Variants in MSI2 observed in about 807,000 individuals in gnomAD.
MSI2 encodes RNA-binding protein Musashi homolog 2.
MSI2 carries 17 observed loss-of-function variants against 45.6 expected under a neutral mutation model. The observed-to-expected ratio is 0.37, with a 90% CI of 0.26 to 0.56. The LOEUF (loss-of-function observed/expected upper bound fraction) is 0.56, where lower values mean the gene tolerates loss of function less well. MSI2 is among the 20% of genes least tolerant of loss of function. The pLI is 0.77. For synonymous variants in MSI2, 156 were observed against 158.2 expected, an observed-to-expected ratio of 0.99 and a Z score of 0.11; for missense variants, 293 against 444.2, an observed-to-expected ratio of 0.66 and a Z score of 3.06.
chr17:57,494,648 A>T (rs937593313), intron 6 of MSI2, among the ~76,000 whole-genome samples: 3 of 152,086 alleles, frequency 2.0e-5, no homozygotes, highest in Non-Finnish European at 2.9e-5. Flanking sequence ...TCTGCTCTTT[A>T]ATTTAATCCT....
At chr17:57,439,856 G>C (rs985500475) in intron 6 of MSI2, among the ~76,000 whole-genome samples, 4 of 152,176 alleles carry the variant, frequency 2.6e-5, no homozygotes, top group Non-Finnish European at 5.9e-5. Context: ...TCTTGGGATA[G>C]TGTGTGAGGG....
intron 7 of MSI2, among the ~76,000 whole-genome samples, chr17:57,559,270 TTAATGC>T (rs1296334686): frequency 6.6e-6 from 1 of 152,026 alleles, no homozygotes; most frequent in Non-Finnish European, 1.5e-5. Flanking sequence ...ATTTGGAAAG[TTAATGC>T]TAAGGAAATA....
intron 7 of MSI2, among the ~76,000 whole-genome samples, chr17:57,537,197 T>C (rs1225763432): frequency 1.3e-5 from 2 of 152,194 alleles, no homozygotes; most frequent in East Asian, 3.9e-4. Context: ...TCTGCCAGAT[T>C]CTCAGAACCC....
chr17:57,550,281 G>A (rs921133986), intron 7 of MSI2, among the ~76,000 whole-genome samples: 5 of 152,198 alleles, frequency 3.3e-5, no homozygotes, highest in Non-Finnish European at 5.9e-5. Context: ...CAGCTAGCCT[G>A]GGGAGGACAG....
At chr17:57,340,713 A>G (rs1234251205) in intron 5 of MSI2, among the ~76,000 whole-genome samples, 2 of 152,096 alleles carry the variant, frequency 1.3e-5, no homozygotes, top group Admixed American at 6.6e-5. Flanking sequence ...TTGAGTCTTG[A>G]TTGGGATAGA....
Position 57,552,919 on chromosome 17 carries a change from C to T in MSI2, c.454+23195C>T, listed in dbSNP as rs780361735. Among the ~76,000 whole-genome samples, 14 of 152,134 alleles carry T rather than the reference C, an allele frequency of 9.2e-5. No individual in the cohort carries two copies. Among genetic ancestry groups the T allele is most frequent in the Admixed American group, 1.3e-4 (2 of 15,272 alleles). On this transcript the variant is annotated intron_variant, in intron 7 of 13. Coordinates refer to ENST00000284073, the MANE Select transcript of MSI2 (RefSeq NM_138962.4). This position sits in a 1 kb window ranked among gnomAD's most constrained non-coding sequence, Gnocchi z 4.3. ...ACCAAGCTTTTTAGGGCTGATGTGG[C>T]GTGGGCTGGGAGACTTCTCTTTTGA...
intron 10 of MSI2, among the ~76,000 whole-genome samples, chr17:57,634,326 A>C (rs1041792604): frequency 6.6e-6 from 1 of 151,768 alleles, no homozygotes; most frequent in Admixed American, 6.6e-5. Flanking sequence ...AATAGCCCGG[A>C]GTGGTGGCGG....
intron 10 of MSI2, among the ~76,000 whole-genome samples, chr17:57,633,451 C>T (rs1214393661): frequency 6.6e-6 from 1 of 152,262 alleles, no homozygotes; most frequent in Non-Finnish European, 1.5e-5. Context: ...TCCGCCACGG[C>T]TCCCCTCTCA....
intron 5 of MSI2, among the ~76,000 whole-genome samples, chr17:57,277,113 T>C (rs72830815): frequency 0.015 from 2,243 of 149,996 alleles, 25 homozygotes; most frequent in Non-Finnish European, 0.023. Flanking sequence ...TGGAGTGCAG[T>C]AGCAGGATCT....
At chr17:57,291,535 G>C (rs1407669255) in intron 5 of MSI2, among the ~76,000 whole-genome samples, 1 of 152,150 alleles carries the variant, frequency 6.6e-6, no homozygotes, top group Non-Finnish European at 1.5e-5. Context: ...TCTGAAAGAA[G>C]ACCCAAGAAA....
At chr17:57,549,709 A>C (rs1355337960) in intron 7 of MSI2, among the ~76,000 whole-genome samples, 1 of 152,234 alleles carries the variant, frequency 6.6e-6, no homozygotes, top group African/African-American at 2.4e-5. Context: ...AACTTGACCA[A>C]GGTCACACAG....
intron 5 of MSI2, among the ~76,000 whole-genome samples, chr17:57,364,222 G>C (rs1260485607): frequency 6.6e-6 from 1 of 152,220 alleles, no homozygotes; most frequent in African/African-American, 2.4e-5. Context: ...GGGCCAGAAG[G>C]CTCGGCTGGC....
intron 6 of MSI2, among the ~76,000 whole-genome samples, chr17:57,429,121 C>T (rs751145419): frequency 7.2e-5 from 11 of 152,060 alleles, no homozygotes; most frequent in Non-Finnish European, 1.0e-4. Flanking sequence ...CCTGGATCTG[C>T]GTGTCCTCAG....
In MSI2 at chr17:57,530,626, C is replaced by T. The variant is rs980328526; in HGVS notation, c.454+902C>T. On this transcript the variant is annotated intron_variant, in intron 7 of 13. Coordinates refer to ENST00000284073, the MANE Select transcript of MSI2 (RefSeq NM_138962.4). Reference sequence around the variant, plus strand: ...TGGCAGGAAATGGTGTGCTGGTGCCCTCAAGGGAGGGAGCCTGTGAGTGAG... The same window carrying T: ...TGGCAGGAAATGGTGTGCTGGTGCCTTCAAGGGAGGGAGCCTGTGAGTGAG... 1.6e-4 allele frequency among the ~76,000 whole-genome samples: 25 copies of T among 152,160 alleles called. 1 individual carries two copies.
chr17:57,666,978 G>A (rs114865908), intron 11 of MSI2, among the ~76,000 whole-genome samples: 585 of 152,350 alleles, frequency 3.8e-3, no homozygotes, highest in African/African-American at 0.014. Flanking sequence ...ACAGTAGGGA[G>A]TTGTCTCCGG....
In MSI2 at chr17:57,536,358, A is replaced by G. The variant is rs17221420; in HGVS notation, c.454+6634A>G. 2.0e-3 allele frequency among the ~76,000 whole-genome samples: 305 copies of G among 152,336 alleles called. 8 individuals carry two copies. In the East Asian group the frequency reaches 0.049, roughly 24 times the overall value. On this transcript the variant is annotated intron_variant, in intron 7 of 13. Coordinates refer to ENST00000284073, the MANE Select transcript of MSI2 (RefSeq NM_138962.4). ...CCTCTGGCCAGAAAGGGCACAGTCC[A>G]AGAAGAAGGGTTGTTGGAGGGAGTA...
intron 6 of MSI2, among the ~76,000 whole-genome samples, chr17:57,421,282 A>G (rs1328425881): frequency 1.1e-4 from 16 of 152,140 alleles, no homozygotes; most frequent in Admixed American, 1.0e-3. Context: ...GTCAAAGCGC[A>G]TGTTGACACT....
At chr17:57,305,236 G>A (rs1285281547) in intron 5 of MSI2, among the ~76,000 whole-genome samples, 1 of 152,120 alleles carries the variant, frequency 6.6e-6, no homozygotes, top group Admixed American at 6.5e-5. Flanking sequence ...CTGTCTGGTG[G>A]CACCTTCTCA....
intron 6 of MSI2, among the ~76,000 whole-genome samples, chr17:57,421,564 T>A (rs2084397516): frequency 6.6e-6 from 1 of 151,866 alleles, no homozygotes; most frequent in Non-Finnish European, 1.5e-5. Flanking sequence ...CTCCTTCTCC[T>A]CAGGCACAGT....
Sources: gnomAD v4.1 joint callset for allele counts (sites outside exome capture counted in the v4.1 genomes callset) on GRCh38, gnomAD v4.1.1 for gene constraint, Gnocchi (gnomAD v3.1) non-coding constraint, MANE v1.5 for transcripts, NCBI Gene and HGNC (gene_info 2026-07-23, HGNC 2026-07-21) for gene names.